The following EXOC4 variants were observed in gnomAD, a reference collection of about 807,000 sequenced individuals.
EXOC4 encodes the protein exocyst complex component 4, also known as SEC8-like 1.
EXOC4 carries 71 observed loss-of-function variants against 107.2 expected under a neutral mutation model. The ratio of observed to expected loss-of-function variants is 0.66; its 90% confidence interval spans 0.55 to 0.81. EXOC4 has a LOEUF of 0.81. EXOC4 is among the 30% of genes least tolerant of loss of function. EXOC4 has a pLI of 0.00. For missense variants in EXOC4, 1,108 were observed against 1,189.6 expected (o/e 0.93, Z 1.01); for synonymous variants, 456 against 441.2 (o/e 1.03, Z -0.42).
At chr7:133,704,439 C>G (rs890618166) in intron 10 of EXOC4, among the ~76,000 whole-genome samples, 4 of 152,218 alleles carry the variant, frequency 2.6e-5, no homozygotes, top group Non-Finnish European at 4.4e-5. Flanking sequence ...AACAGCCTGA[C>G]TTTCAGTGCT....
Position 133,680,954 on chromosome 7 carries a change from A to G in EXOC4, c.1514+50813A>G, listed in dbSNP as rs571342416. Reference sequence around the variant, plus strand: ...ACAGGCCATTATAAAAGAAATTTAAATGATTTTTACGAAAACCATTTTCCT... The same window carrying G: ...ACAGGCCATTATAAAAGAAATTTAAGTGATTTTTACGAAAACCATTTTCCT... On this transcript the variant is annotated intron_variant, in intron 10 of 17. Coordinates refer to ENST00000253861, the MANE Select transcript of EXOC4 (RefSeq NM_021807.4). 1.3e-4 allele frequency among the ~76,000 whole-genome samples: 20 copies of G among 152,356 alleles called. No homozygotes were observed. In the South Asian group the frequency reaches 3.1e-3, roughly 24 times the overall value.
chr7:134,073,691 A>C, the EXOC4 span, among the ~76,000 whole-genome samples: 4 of 152,052 alleles, frequency 2.6e-5, no homozygotes, highest in African/African-American at 9.7e-5. Flanking sequence ...TTAAAAATCA[A>C]ATCTGGCTTG....
chr7:133,305,550 G>A (rs1794733031), intron 3 of EXOC4, among the ~76,000 whole-genome samples: 1 of 152,108 alleles, frequency 6.6e-6, no homozygotes, highest in African/African-American at 2.4e-5. Context: ...ATTAGTACAT[G>A]GGATTCTTGT....
chr7:133,947,985 C>G (rs1384372696), intron 14 of EXOC4, among the ~76,000 whole-genome samples: 2 of 152,104 alleles, frequency 1.3e-5, no homozygotes, highest in African/African-American at 4.8e-5. Flanking sequence ...AAATGGCATG[C>G]TGAAATTGCA....
chr7:133,367,307 A>G (rs1451210046), intron 6 of EXOC4, among the ~76,000 whole-genome samples: 1 of 152,132 alleles, frequency 6.6e-6, no homozygotes, highest in African/African-American at 2.4e-5. Flanking sequence ...CTGAGAAGGA[A>G]TAACTGGAGA....
intron 10 of EXOC4, among the ~76,000 whole-genome samples, chr7:133,751,065 T>C (rs1411700626): frequency 6.6e-6 from 1 of 152,222 alleles, no homozygotes; most frequent in African/African-American, 2.4e-5. Flanking sequence ...GTTTCCTGAA[T>C]CCTTTTGAGT....
intron 17 of EXOC4, among the ~76,000 whole-genome samples, chr7:134,036,423 A>G (rs1391708577): frequency 5.3e-5 from 8 of 152,162 alleles, no homozygotes; most frequent in Non-Finnish European, 8.8e-5. Context: ...CCCCATCTCT[A>G]TCAAAAATAC....
intron 12 of EXOC4, among the ~76,000 whole-genome samples, chr7:133,909,544 G>C (rs1208834611): frequency 6.6e-6 from 1 of 152,184 alleles, no homozygotes; most frequent in South Asian, 2.1e-4. Flanking sequence ...AATGAGCAAA[G>C]AGAATGAATA....
chr7:133,692,780 G>A (rs564159719), intron 10 of EXOC4, among the ~76,000 whole-genome samples: 8 of 152,326 alleles, frequency 5.3e-5, no homozygotes, highest in African/African-American at 1.9e-4. Flanking sequence ...TTATTCGAGA[G>A]TTTTCCAACA....
At chr7:133,670,418 A>T (rs1562900402) in intron 10 of EXOC4, among the ~76,000 whole-genome samples, 5 of 152,200 alleles carry the variant, frequency 3.3e-5, no homozygotes, top group Non-Finnish European at 7.3e-5. Flanking sequence ...TTTCAATTTG[A>T]TTCCATGTGT....
At chr7:133,637,260 T>C (rs1354924626) in intron 10 of EXOC4, among the ~76,000 whole-genome samples, 1 of 152,228 alleles carries the variant, frequency 6.6e-6, no homozygotes, top group African/African-American at 2.4e-5. Context: ...ATAGTACTTA[T>C]AATATCACAT....
At chr7:133,997,765 G>A (rs1794432032) in intron 15 of EXOC4, 132 bp downstream of exon 15, 2 of 1,053,560 alleles carry the variant, frequency 1.9e-6, no homozygotes, top group Admixed American at 2.4e-5. Context: ...TACACTGAAA[G>A]TGATTTTTAG....
chr7:133,867,613 C>T (rs187842043), intron 11 of EXOC4, among the ~76,000 whole-genome samples: 11 of 152,314 alleles, frequency 7.2e-5, no homozygotes, highest in African/African-American at 2.4e-4. Context: ...CCCCCAACCC[C>T]GTCCAGTTTC....
chr7:133,856,102 G>T (rs543374670), intron 11 of EXOC4, among the ~76,000 whole-genome samples: 116 of 152,330 alleles, frequency 7.6e-4, no homozygotes, highest in Admixed American at 3.7e-3. Context: ...GTCATTAAAA[G>T]AGCATGGGCT....
chr7:133,664,342 G>A (rs989710522), intron 10 of EXOC4, among the ~76,000 whole-genome samples: 3 of 152,092 alleles, frequency 2.0e-5, no homozygotes, highest in Non-Finnish European at 2.9e-5. Flanking sequence ...ACATACAGTA[G>A]GCCCTCAATT....
intron 9 of EXOC4, among the ~76,000 whole-genome samples, chr7:133,519,387 C>G (rs111638359): frequency 4.0e-5 from 6 of 151,812 alleles, no homozygotes; most frequent in Middle Eastern, 3.2e-3. Context: ...TATGCCAGTG[C>G]GCTCCAGCCC....
chr7:134,067,488 A>G (rs954233868), downstream of EXOC4, among the ~76,000 whole-genome samples: 1 of 152,092 alleles, frequency 6.6e-6, no homozygotes, highest in Non-Finnish European at 1.5e-5. Context: ...TCCTCACAGC[A>G]ACCCTTATCA....
intron 2 of EXOC4, 117 bp downstream of exon 2, chr7:133,275,288 C>A: frequency 1.2e-6 from 1 of 828,712 alleles, no homozygotes; most frequent in Non-Finnish European, 1.7e-6. Context: ...CAAAATGCCA[C>A]TTTTCAGGAG....
intron 1 of EXOC4, among the ~76,000 whole-genome samples, chr7:133,262,586 C>T (rs933217659): frequency 6.6e-6 from 1 of 151,910 alleles, no homozygotes; most frequent in African/African-American, 2.4e-5. Context: ...AAGTGTTTTT[C>T]CATTTAAAAC....
Sources: allele counts gnomAD v4.1 joint callset (sites outside exome capture counted in the v4.1 genomes callset), GRCh38; gene constraint gnomAD v4.1.1; transcripts MANE v1.5; gene names NCBI Gene and HGNC (gene_info 2026-07-23, HGNC 2026-07-21).